The following COL15A1 variants were observed in gnomAD, a reference collection of about 807,000 sequenced individuals.
The protein encoded by COL15A1 is collagen alpha-1(XV) chain.
A neutral mutation model predicts 165.9 loss-of-function variants in COL15A1; 111 were observed. The observed-to-expected ratio is 0.67, with a 90% confidence interval of 0.57 to 0.78. The LOEUF (loss-of-function observed/expected upper bound fraction) is 0.78, where lower values mean the gene tolerates loss of function less well. Ranked by LOEUF, COL15A1 falls within the 30% of genes least tolerant of loss-of-function variation. The pLI is 0.00. For missense variants in COL15A1, 1,745 were observed against 1,789.7 expected (o/e 0.98, Z 0.45); for synonymous variants, 659 against 674.8 (o/e 0.98, Z 0.36).
At chr9:99,048,351 A>G (rs1164677355) in intron 28 of COL15A1, among the ~76,000 whole-genome samples, 4 of 152,104 alleles carry the variant, frequency 2.6e-5, no homozygotes. Context: ...GATCACTCAC[A>G]TCACTAGGGG....
intron 2 of COL15A1, among the ~76,000 whole-genome samples, chr9:98,981,165 AAGGCC>A (rs1404504990): frequency 6.6e-6 from 1 of 152,210 alleles, no homozygotes; most frequent in Non-Finnish European, 1.5e-5. Flanking sequence ...GTGAAAATAT[AAGGCC>A]AGGCCAGGCG....
At chr9:99,001,008 C>A in intron 7 of COL15A1, 57 bp downstream of exon 7, 1 of 840,130 alleles carries the variant, frequency 1.2e-6, no homozygotes, top group Non-Finnish European at 2.1e-6. Context: ...TTGCTTATTT[C>A]AAACTTGGTG....
intron 2 of COL15A1, among the ~76,000 whole-genome samples, chr9:98,962,686 A>G (rs1018004388): frequency 2.6e-5 from 4 of 152,214 alleles, no homozygotes; most frequent in African/African-American, 9.7e-5. Context: ...TGTTATATAC[A>G]GATTTGAGGT....
At chr9:99,009,594 T>C (rs1380100960) in intron 9 of COL15A1, among the ~76,000 whole-genome samples, 2 of 152,104 alleles carry the variant, frequency 1.3e-5, no homozygotes, top group African/African-American at 4.8e-5. Flanking sequence ...TTGTCAAATA[T>C]AAAAAGTATA....
chr9:99,024,341 C>T (rs1243357200), intron 14 of COL15A1, among the ~76,000 whole-genome samples: 6 of 140,368 alleles, frequency 4.3e-5, no homozygotes, highest in East Asian at 2.1e-4. Flanking sequence ...AGTGCAGTGG[C>T]GCGGTCTCGG....
rs746805981 is a variant in COL15A1, at chr9:99,055,163, T to C, written c.3081+12T>C. The C allele has an allele frequency of 6.2e-7, 1 of 1,611,632 alleles. No individual in the cohort carries two copies. ...TGAACAACTTGAAGGTGAGTATTTC[T>C]CTACCAATATTTGGCCTGTGTTTTT... On this transcript the variant is annotated intron_variant, in intron 33 of 41. Coordinates refer to ENST00000375001, the MANE Select transcript of COL15A1 (RefSeq NM_001855.5).
chr9:99,044,674 C>T (rs1294967158), intron 25 of COL15A1, 38 bp downstream of exon 25: 1 of 1,611,680 alleles, frequency 6.2e-7, no homozygotes, highest in African/African-American at 1.3e-5. Context: ...ACATATCTGC[C>T]CCAGCTTTGC....
At chr9:99,019,825 A>C (rs1013012739) in intron 11 of COL15A1, among the ~76,000 whole-genome samples, 1 of 152,260 alleles carries the variant, frequency 6.6e-6, no homozygotes, top group Middle Eastern at 3.4e-3. Context: ...GCTGTCTAGA[A>C]TTATTTTGCA....
At position 98,986,062 on chromosome 9, in the gene COL15A1, G is replaced by T. The variant is rs61999303; in HGVS notation, c.598G>T (p.Ala200Ser). 1 of 1,613,930 alleles carries T rather than the reference G, an allele frequency of 6.2e-7. No individual in the cohort carries two copies. Among genetic ancestry groups the T allele is most frequent in the Non-Finnish European group, 8.5e-7 (1 of 1,180,030 alleles). The change falls in exon 3 of 42, where the codon GCT (alanine) becomes TCT (serine). Residue 200 changes from alanine (A) to serine (S), a missense_variant. By Grantham distance (99) the Ala-to-Ser change is moderately conservative (BLOSUM62 1). Transcript: ENST00000375001. ...SSQALAFESS[A>S]GIFMGNAGAT... ...CCAGGCTTTGGCTTTTGAGTCCAGCGCTGGAATCTTCATGGGCAATGCAGG... is the reference window on the plus strand; with the variant it reads ...CCAGGCTTTGGCTTTTGAGTCCAGCTCTGGAATCTTCATGGGCAATGCAGG...
At chr9:98,945,814 T>C (rs1837572900) in intron 2 of COL15A1, among the ~76,000 whole-genome samples, 2 of 152,192 alleles carry the variant, frequency 1.3e-5, no homozygotes, top group Admixed American at 1.3e-4. Flanking sequence ...TTTTGTGAAC[T>C]TTGCTGCAAC....
At chr9:99,050,359 A>G (rs1477274774) in intron 30 of COL15A1, among the ~76,000 whole-genome samples, 1 of 150,230 alleles carries the variant, frequency 6.7e-6, no homozygotes, top group African/African-American at 2.4e-5. Flanking sequence ...CCATTTTATG[A>G]TAATGAAACA....
intron 39 of COL15A1, 146 bp downstream of exon 39, chr9:99,063,255 G>T: frequency 1.9e-6 from 2 of 1,062,628 alleles, no homozygotes; most frequent in Non-Finnish European, 2.5e-6. Flanking sequence ...TTACAATACA[G>T]TGTGGTAAGT....
rs1197079793 is a variant in COL15A1, at chr9:99,070,662, C to G, written c.*776C>G. On this transcript the variant is annotated 3_prime_UTR_variant, in exon 42 of 42. Coordinates refer to ENST00000375001, the MANE Select transcript of COL15A1 (RefSeq NM_001855.5). ...CCATTTGGCAATTGTTGAATTATAA[C>G]TGCGACTGAAACAAACAGGTTCATA... is the stretch of plus-strand genomic sequence containing the variant. The G allele has an allele frequency of 4.4e-6, 2 of 452,270 alleles. No homozygotes were observed. Among genetic ancestry groups the G allele is most frequent in the Admixed American group, 4.8e-5 (2 of 41,632 alleles). The allele number at this position is 452,270 out of a possible 1,614,324, so 28.0% of individuals were successfully genotyped here.
intron 5 of COL15A1, among the ~76,000 whole-genome samples, chr9:98,989,715 C>T (rs1838383334): frequency 6.6e-6 from 1 of 152,204 alleles, no homozygotes; most frequent in South Asian, 2.1e-4. Context: ...AACGATGGCT[C>T]TTGTTATATT....
intron 12 of COL15A1, among the ~76,000 whole-genome samples, chr9:99,021,587 G>A (rs910868076): frequency 4.6e-5 from 7 of 152,178 alleles, no homozygotes; most frequent in Admixed American, 2.0e-4. Flanking sequence ...ATTTTCTGGG[G>A]CACTAGCCTT....
chr9:99,024,075 G>C (rs1363860107), intron 14 of COL15A1, among the ~76,000 whole-genome samples: 1 of 152,090 alleles, frequency 6.6e-6, no homozygotes, highest in Non-Finnish European at 1.5e-5. Flanking sequence ...TGAATCCCTG[G>C]TTGAAAGCTC....
In COL15A1 at chr9:98,944,167, A is replaced by C. The variant is rs778778001; in HGVS notation, c.17A>C (p.Asn6Thr). The C allele has an allele frequency of 1.9e-6, 3 of 1,614,022 alleles. No homozygotes were observed. The South Asian group carries it at 3.3e-5, about 18-fold the overall frequency. Residue 6 changes from asparagine to threonine, a missense_variant, in exon 2 of 42, where the codon AAC (asparagine) becomes ACC (threonine). Transcript: ENST00000375001. MAPRR[N>T]NGQCWCLLML... Reference sequence around the variant, plus strand: ...CCCTCGGGCACATCTTGCAGGAGGAACAACGGGCAGTGCTGGTGTCTGCTG... The same window carrying C: ...CCCTCGGGCACATCTTGCAGGAGGACCAACGGGCAGTGCTGGTGTCTGCTG...
chr9:99,057,603 A>G (rs1422678656), intron 35 of COL15A1, among the ~76,000 whole-genome samples: 1 of 152,210 alleles, frequency 6.6e-6, no homozygotes, highest in Non-Finnish European at 1.5e-5. Context: ...ACAGGTAAGG[A>G]AAGTGAGGCC....
At chr9:98,966,292 C>T (rs1450376872) in intron 2 of COL15A1, among the ~76,000 whole-genome samples, 1 of 152,198 alleles carries the variant, frequency 6.6e-6, no homozygotes, top group African/African-American at 2.4e-5. Context: ...AATTAAAATA[C>T]TCTTTCAAGC....
Sources: allele counts gnomAD v4.1 joint callset (sites outside exome capture counted in the v4.1 genomes callset), GRCh38; gene constraint gnomAD v4.1.1; transcripts MANE v1.5; gene names NCBI Gene and HGNC (gene_info 2026-07-23, HGNC 2026-07-21).